MPP7: variants seen among roughly 807,000 people sequenced by gnomAD.
The protein encoded by MPP7 is MAGUK p55 scaffold protein 7, also known as MAGUK p55 subfamily member 7.
Under a neutral mutation model 76.5 loss-of-function variants are expected in MPP7, and 60 were observed. The ratio of observed to expected loss-of-function variants is 0.78; its 90% CI spans 0.64 to 0.97. The LOEUF (loss-of-function observed/expected upper bound fraction) is 0.97. Among genes scored for constraint, MPP7 ranks in the 50% least tolerant of loss-of-function variants. The pLI, the probability that MPP7 is intolerant of heterozygous loss-of-function variation, is 0.00. For missense variants in MPP7, 641 were observed against 694.0 expected, an observed-to-expected ratio of 0.92 and a Z score of 0.86; for synonymous variants, 237 against 244.5, an observed-to-expected ratio of 0.97 and a Z score of 0.29.
At chr10:28,296,351 A>G (rs1841035296) in intron 1 of MPP7, among the ~76,000 whole-genome samples, 1 of 152,170 alleles carries the variant, frequency 6.6e-6, no homozygotes, top group Non-Finnish European at 1.5e-5. Context: ...TGTTCTGGTA[A>G]GAAACAATTT....
At chr10:28,265,968 CTGTTT>C (rs1436905237) in intron 1 of MPP7, among the ~76,000 whole-genome samples, 2 of 151,888 alleles carry the variant, frequency 1.3e-5, no homozygotes, top group Admixed American at 6.6e-5. Context: ...GCCTTCTGTT[CTGTTT>C]TGTTTTGTTT....
chr10:28,056,002 T>C (rs976147095), intron 16 of MPP7, among the ~76,000 whole-genome samples: 1 of 152,238 alleles, frequency 6.6e-6, no homozygotes, highest in Non-Finnish European at 1.5e-5. Context: ...CCCAAGTACA[T>C]GCAGCTGTAT....
rs1307423868 is a variant in MPP7 at position 28,133,187 on chromosome 10, C to G, written c.316-1496G>C. On this transcript the variant is annotated intron_variant, in intron 5 of 16. Coordinates refer to ENST00000683449, the MANE Select transcript of MPP7 (RefSeq NM_001318170.2). ...CCAGTATCTTTAAATGGTTCAGCAG[C>G]ATTCAACTCTGGCCCATTTTCAAGT... Among the ~76,000 whole-genome samples the G allele has an allele frequency of 2.0e-5, 3 of 152,182 alleles. No individual in the cohort carries two copies. In the East Asian group the frequency reaches 5.8e-4, roughly 29 times the overall value.
Position 28,110,903 on chromosome 10 carries a change from T to C in MPP7, c.952+8748A>G, listed in dbSNP as rs111628283. Among the ~76,000 whole-genome samples the C allele has an allele frequency of 7.2e-3, 1,102 of 152,298 alleles. 14 individuals are homozygous for C. The highest frequency in any genetic ancestry group is 0.025 in the African/African-American group (1,049 of 41,566). ...ATGTATTATTTCAGATTACATTCTATATTTCTGCTGCATAAAGCAAAAAAA... is the reference window on the plus strand; with the variant it reads ...ATGTATTATTTCAGATTACATTCTACATTTCTGCTGCATAAAGCAAAAAAA... On this transcript the variant is annotated intron_variant, in intron 11 of 16. Transcript: ENST00000683449.
intron 2 of MPP7, among the ~76,000 whole-genome samples, chr10:28,234,366 A>T (rs1368351776): frequency 6.6e-6 from 1 of 152,128 alleles, no homozygotes; most frequent in Non-Finnish European, 1.5e-5. Flanking sequence ...TAAATTAATA[A>T]ATGGGAGAGA....
rs1296595136 is a variant in MPP7, at chr10:28,093,784, G to A, written c.953-3943C>T. 2.0e-5 allele frequency among the ~76,000 whole-genome samples: 3 copies of A among 152,160 alleles called. No individual in the cohort carries two copies. The East Asian group carries it at 5.8e-4, about 29-fold the overall frequency. Reference sequence around the variant, plus strand: ...TCATCATAAACAATGAAGAGTTAGTGAGGAAAAGAGAAGGTAATCAGATCT... The same window carrying A: ...TCATCATAAACAATGAAGAGTTAGTAAGGAAAAGAGAAGGTAATCAGATCT... On this transcript the variant is annotated intron_variant, in intron 11 of 16. Coordinates refer to ENST00000683449, the MANE Select transcript of MPP7 (RefSeq NM_001318170.2).
chr10:28,069,629 A>T (rs893793519), intron 13 of MPP7, 143 bp downstream of exon 13: 3 of 482,032 alleles, frequency 6.2e-6, no homozygotes, highest in African/African-American at 6.1e-5. Flanking sequence ...CAAAAAAAAA[A>T]CTCACATGCC....
intron 8 of MPP7, 32 bp downstream of exon 8, chr10:28,123,999 T>C: frequency 7.2e-7 from 1 of 1,381,176 alleles, no homozygotes; most frequent in Non-Finnish European, 1.0e-6. Context: ...ATTTTATTTT[T>C]ATTGTACCTT....
At chr10:28,329,702 C>T (rs1367283695) in intron 2 of MPP7, among the ~76,000 whole-genome samples, 1 of 150,984 alleles carries the variant, frequency 6.6e-6, no homozygotes, top group Non-Finnish European at 1.5e-5. Flanking sequence ...GAGAAACTTT[C>T]CTTAATGAAT....
intron 11 of MPP7, among the ~76,000 whole-genome samples, chr10:28,101,754 C>G (rs1416889395): frequency 6.6e-6 from 1 of 151,952 alleles, no homozygotes; most frequent in African/African-American, 2.4e-5. Context: ...GTCTGTAAAT[C>G]TGACCAATGT....
intron 3 of MPP7, among the ~76,000 whole-genome samples, chr10:28,177,802 GA>G (rs1836925587): frequency 6.6e-6 from 1 of 152,182 alleles, no homozygotes; most frequent in Admixed American, 6.5e-5. Flanking sequence ...TTGTTTAAAA[GA>G]GACAATTTGA....
chr10:28,115,128 G>A (rs1294051867), intron 11 of MPP7, among the ~76,000 whole-genome samples: 1 of 151,506 alleles, frequency 6.6e-6, no homozygotes, highest in African/African-American at 2.4e-5. Flanking sequence ...TTGAGATGGA[G>A]TTTTACTCTT....
At chr10:28,260,769 C>CAAA (rs772017051) in intron 1 of MPP7, among the ~76,000 whole-genome samples, 2,468 of 68,228 alleles carry the variant, frequency 0.036, 87 homozygotes, top group African/African-American at 0.085. Context: ...GACTCCATCT[C>CAAA]AAAAAAAAAA....
At chr10:28,234,719 C>G (rs1686112436) in intron 2 of MPP7, among the ~76,000 whole-genome samples, 2 of 152,156 alleles carry the variant, frequency 1.3e-5, no homozygotes. Flanking sequence ...GAGGGGAATC[C>G]TTACAATATA....
intron 2 of MPP7, among the ~76,000 whole-genome samples, chr10:28,323,836 C>T (rs893302728): frequency 4.6e-5 from 7 of 152,074 alleles, no homozygotes. Context: ...GCATAATACG[C>T]CACCTCTTCA....
intron 2 of MPP7, among the ~76,000 whole-genome samples, chr10:28,311,114 T>C (rs1841287356): frequency 6.6e-6 from 1 of 152,210 alleles, no homozygotes; most frequent in African/African-American, 2.4e-5. Context: ...CATTTTAAAA[T>C]GAAAGAGTTT....
At chr10:28,062,848 G>A (rs768197234) in intron 13 of MPP7, among the ~76,000 whole-genome samples, 28 of 152,180 alleles carry the variant, frequency 1.8e-4, no homozygotes, top group African/African-American at 3.6e-4. Flanking sequence ...AAAATAACTC[G>A]AAATGGGTCA....
chr10:28,262,221 A>ATTTTTTTTTTTTTT (rs1839990834), intron 1 of MPP7, among the ~76,000 whole-genome samples: 1 of 52,742 alleles, frequency 1.9e-5, no homozygotes, highest in Non-Finnish European at 3.1e-5. Flanking sequence ...ATATATATAT[A>ATTTTTTTTTTTTTT]TATACATATA....
intron 13 of MPP7, among the ~76,000 whole-genome samples, chr10:28,061,944 A>G (rs1327170820): frequency 6.6e-6 from 1 of 152,164 alleles, no homozygotes; most frequent in Non-Finnish European, 1.5e-5. Flanking sequence ...AAGGCAAAAT[A>G]AAGACCTCCT....
Sources: allele counts gnomAD v4.1 joint callset (sites outside exome capture counted in the v4.1 genomes callset), GRCh38; gene constraint gnomAD v4.1.1; transcripts MANE v1.5; gene names NCBI Gene and HGNC (gene_info 2026-07-23, HGNC 2026-07-21).